Variants in LRRC37A2 observed in about 807,000 individuals in gnomAD.
LRRC37A2 encodes the protein leucine-rich repeat-containing protein 37A2.
Under a neutral mutation model 68.8 loss-of-function variants are expected in LRRC37A2, and 9 were observed. That is an observed-to-expected ratio of 0.13 (90% CI 0.08 to 0.23). The LOEUF is 0.23. LRRC37A2 is among the 10% of genes least tolerant of loss of function. The probability of loss-of-function intolerance (pLI) is 1.00; values close to 1 mark genes in which losing one functional copy is unlikely to be tolerated. For synonymous variants in LRRC37A2, 63 were observed against 367.6 expected (o/e 0.17, Z 9.48); for missense variants, 168 against 950.4 (o/e 0.18, Z 10.82).
the LRRC37A2 span, among the ~76,000 whole-genome samples, chr17:47,041,462 T>TA: frequency 9.7e-6 from 1 of 102,832 alleles, no homozygotes; most frequent in South Asian, 3.6e-4. Flanking sequence ...CTTTTTTTTT[T>TA]TTTTTTTTTT....
At chr17:46,769,997 A>T in the LRRC37A2 span, 16 of 1,602,822 alleles carry the variant, frequency 1.0e-5, no homozygotes, top group Admixed American at 1.7e-5. Context: ...GGTGACGGCG[A>T]AGGCCACGCC....
chr17:47,020,746 C>T, the LRRC37A2 span, among the ~76,000 whole-genome samples: 1 of 107,664 alleles, frequency 9.3e-6, no homozygotes. Context: ...TGCACCACTG[C>T]ACTCCAGCCT....
chr17:46,721,195 C>T, the LRRC37A2 span, among the ~76,000 whole-genome samples: 3 of 152,240 alleles, frequency 2.0e-5, no homozygotes, highest in Non-Finnish European at 4.4e-5. Context: ...GGTTGTCTCT[C>T]ATACCCCTCC....
the LRRC37A2 span, among the ~76,000 whole-genome samples, chr17:47,020,033 T>C: frequency 4.7e-5 from 7 of 149,580 alleles, no homozygotes; most frequent in African/African-American, 1.5e-4. Flanking sequence ...CCATTTTTAT[T>C]TAGCCCCATC....
chr17:46,851,699 G>T, the LRRC37A2 span: 1 of 1,302,712 alleles, frequency 7.7e-7, no homozygotes, highest in South Asian at 2.4e-5. This position sits in a 1 kb window ranked among gnomAD's most constrained non-coding sequence, Gnocchi z 4.3. Context: ...GCCCGCCGCC[G>T]CCGCCTCCTA....
the LRRC37A2 span, among the ~76,000 whole-genome samples, chr17:46,898,522 T>G: frequency 6.6e-6 from 1 of 152,136 alleles, no homozygotes; most frequent in Non-Finnish European, 1.5e-5. Context: ...TGACACTGTA[T>G]GTGAGGAGGG....
At chr17:46,530,320 T>G (rs2053498177) in intron 6 of LRRC37A2, among the ~76,000 whole-genome samples, 1 of 131,588 alleles carries the variant, frequency 7.6e-6, no homozygotes, top group Non-Finnish European at 1.7e-5. Flanking sequence ...ACGAAGGATA[T>G]TTAAAGCCCT....
the LRRC37A2 span, among the ~76,000 whole-genome samples, chr17:46,606,083 G>C: frequency 3.2e-5 from 3 of 93,578 alleles, no homozygotes; most frequent in African/African-American, 5.3e-5. Context: ...GGAGGCTGAG[G>C]TAGGAGAATT....
At chr17:46,908,501 A>C in the LRRC37A2 span, among the ~76,000 whole-genome samples, 1 of 151,938 alleles carries the variant, frequency 6.6e-6, no homozygotes, top group South Asian at 2.1e-4. Flanking sequence ...TGGATGTGGA[A>C]GAGAGAAGGG....
the LRRC37A2 span, among the ~76,000 whole-genome samples, chr17:46,846,864 T>C: frequency 6.6e-6 from 1 of 152,194 alleles, no homozygotes; most frequent in Non-Finnish European, 1.5e-5. Context: ...CTGCCAGCTC[T>C]GGAGTGAGCT....
chr17:46,709,211 A>G, the LRRC37A2 span, among the ~76,000 whole-genome samples: 3 of 152,120 alleles, frequency 2.0e-5, no homozygotes, highest in Admixed American at 1.3e-4. Context: ...TTTTATTACT[A>G]TTGTGACTTT....
the LRRC37A2 span, among the ~76,000 whole-genome samples, chr17:46,760,195 G>C: frequency 6.6e-6 from 1 of 152,196 alleles, no homozygotes; most frequent in African/African-American, 2.4e-5. Flanking sequence ...AGGGGGTCAA[G>C]GCTGTGTTGA....
the LRRC37A2 span, among the ~76,000 whole-genome samples, chr17:46,678,771 A>G: frequency 7.8e-6 from 1 of 127,412 alleles, no homozygotes; most frequent in Admixed American, 8.1e-5. Flanking sequence ...GCAAAGGAAA[A>G]TTACCTTCAA....
At chr17:47,025,958 T>C in the LRRC37A2 span, among the ~76,000 whole-genome samples, 2 of 134,146 alleles carry the variant, frequency 1.5e-5, no homozygotes, top group African/African-American at 2.9e-5. Flanking sequence ...GTTTTAAACA[T>C]GGTGGGCAAT....
chr17:46,721,878 G>A, the LRRC37A2 span: 2 of 1,583,092 alleles, frequency 1.3e-6, no homozygotes, highest in Non-Finnish European at 8.7e-7. Flanking sequence ...ATTCTCCTCT[G>A]AGCGATAAAG....
At chr17:46,770,545 A>G in the LRRC37A2 span, among the ~76,000 whole-genome samples, 1 of 152,062 alleles carries the variant, frequency 6.6e-6, no homozygotes, top group African/African-American at 2.4e-5. Context: ...ACGTGGATGC[A>G]TAGGGACGGC....
chr17:46,767,612 T>A, the LRRC37A2 span, among the ~76,000 whole-genome samples: 1 of 152,138 alleles, frequency 6.6e-6, no homozygotes. Flanking sequence ...ACTGACAAAG[T>A]TAGGACCAGA....
chr17:47,029,279 T>C, the LRRC37A2 span, among the ~76,000 whole-genome samples: 1 of 151,378 alleles, frequency 6.6e-6, no homozygotes, highest in Non-Finnish European at 1.5e-5. Context: ...TAAGCTATTG[T>C]GCAAAAAAAA....
At chr17:46,980,354 T>TC in the LRRC37A2 span, among the ~76,000 whole-genome samples, 115 of 151,260 alleles carry the variant, frequency 7.6e-4, 2 homozygotes, top group South Asian at 0.013. Flanking sequence ...CTTCCTTCCT[T>TC]CTTCTTTCTT....
Sources: allele counts gnomAD v4.1 joint callset (sites outside exome capture counted in the v4.1 genomes callset), GRCh38; gene constraint gnomAD v4.1.1; non-coding constraint Gnocchi (gnomAD v3.1); transcripts MANE v1.5; gene names NCBI Gene and HGNC (gene_info 2026-07-23, HGNC 2026-07-21).